PTPN14: variants seen among roughly 807,000 people sequenced by gnomAD.
The protein encoded by PTPN14 is tyrosine-protein phosphatase non-receptor type 14.
In PTPN14, 53 loss-of-function variants were observed where a neutral mutation model predicts 126.8. That is an observed-to-expected ratio of 0.42 (90% CI 0.34 to 0.53). PTPN14 has a LOEUF of 0.53. PTPN14 is among the 20% of genes least tolerant of loss of function. The pLI is 0.08. For synonymous variants in PTPN14, 630 were observed against 599.3 expected (o/e 1.05, Z -0.75); for missense variants, 1,257 against 1,552.9 (o/e 0.81, Z 3.20).
chr1:214,467,889 T>C (rs769539088), intron 1 of PTPN14, among the ~76,000 whole-genome samples: 6 of 152,166 alleles, frequency 3.9e-5, no homozygotes, highest in Non-Finnish European at 8.8e-5. Context: ...CAACAAAATG[T>C]AAGAAAATTG....
intron 1 of PTPN14, among the ~76,000 whole-genome samples, chr1:214,479,634 C>T (rs1317451589): frequency 2.0e-5 from 3 of 151,912 alleles, no homozygotes; most frequent in African/African-American, 4.8e-5. Flanking sequence ...CCACCGTACC[C>T]GACCCTGTCT....
rs76679969 is a variant in PTPN14 at position 214,484,362 on chromosome 1, T to G, written c.-154-19405A>C. Among the ~76,000 whole-genome samples the G allele has an allele frequency of 2.5e-3, 380 of 152,328 alleles. 3 individuals carry two copies. The highest frequency in any genetic ancestry group is 8.8e-3 in the African/African-American group (366 of 41,574). On this transcript the variant is annotated intron_variant, in intron 1 of 18. Coordinates refer to ENST00000366956, the MANE Select transcript of PTPN14 (RefSeq NM_005401.5). ...AAGGCTGCAATGAGCCATGATCCTA[T>G]GATTGCATTACTGCACTAAGCCTAG... is the stretch of plus-strand genomic sequence containing the variant.
chr1:214,400,049 G>GTTC (rs10636308), intron 7 of PTPN14, among the ~76,000 whole-genome samples: 124,625 of 151,828 alleles, frequency 0.82, 51,809 homozygotes, highest in African/African-American at 0.96. Flanking sequence ...GTCCACTGCT[G>GTTC]TTCTACTCTT....
In PTPN14 at chr1:214,508,095, ATGGCTGCTGATCAGCATGG is replaced by A. The variant is rs536181480; in HGVS notation, c.-155+43069_-155+43087del. 8.2e-3 allele frequency among the ~76,000 whole-genome samples: 1,247 copies of A among 152,256 alleles called. 14 individuals carry two copies. Among genetic ancestry groups the A allele is most frequent in the African/African-American group, 0.028 (1,179 of 41,550 alleles). ...GGTGGAGGGTCTTGCCTTGATGTTG[ATGGCTGCTGATCAGCATGG>A]TGGCTGCTGGAAGTTGGGTGGCTAT... On this transcript the variant is annotated intron_variant, in intron 1 of 18. Coordinates refer to ENST00000366956, the MANE Select transcript of PTPN14 (RefSeq NM_005401.5).
chr1:214,522,689 G>C (rs1333147950), intron 1 of PTPN14, among the ~76,000 whole-genome samples: 1 of 152,144 alleles, frequency 6.6e-6, no homozygotes, highest in African/African-American at 2.4e-5. Flanking sequence ...ACCAATTCAA[G>C]GCCGTTTTAA....
At chr1:214,381,563 G>C (rs995664698) in intron 13 of PTPN14, among the ~76,000 whole-genome samples, 3 of 152,234 alleles carry the variant, frequency 2.0e-5, no homozygotes, top group Non-Finnish European at 2.9e-5. Flanking sequence ...GGCCAGAACT[G>C]TGAGGTTGAG....
intron 1 of PTPN14, among the ~76,000 whole-genome samples, chr1:214,493,077 T>C (rs1279641097): frequency 6.6e-6 from 1 of 152,116 alleles, no homozygotes; most frequent in African/African-American, 2.4e-5. Context: ...CCAGTGTTTC[T>C]AATTCCTAAG....
At chr1:214,367,065 C>T (rs1463506352) in intron 17 of PTPN14, among the ~76,000 whole-genome samples, 3 of 151,922 alleles carry the variant, frequency 2.0e-5, no homozygotes, top group African/African-American at 4.8e-5. Context: ...AAAGACTATA[C>T]TTTAAAGTGC....
At chr1:214,403,071 T>C (rs1236676164) in intron 5 of PTPN14, 118 bp from the exon 6 acceptor site, 2 of 926,814 alleles carry the variant, frequency 2.2e-6, no homozygotes, top group East Asian at 2.5e-5. Context: ...CCTCAATATC[T>C]CCTTTACTGC....
chr1:214,377,487 C>T (rs1339939471), intron 14 of PTPN14, among the ~76,000 whole-genome samples: 1 of 151,818 alleles, frequency 6.6e-6, no homozygotes, highest in Admixed American at 6.6e-5. Flanking sequence ...ATGTGTTTAC[C>T]TATGTAATAA....
intron 16 of PTPN14, among the ~76,000 whole-genome samples, chr1:214,371,748 C>T (rs1658223140): frequency 6.6e-6 from 1 of 152,142 alleles, no homozygotes; most frequent in African/African-American, 2.4e-5. Flanking sequence ...GTGGGAAGGT[C>T]AAACAGGTCA....
intron 9 of PTPN14, 63 bp from the exon 10 acceptor site, chr1:214,393,840 A>G: frequency 7.5e-7 from 1 of 1,338,872 alleles, no homozygotes. Context: ...CATTTCATTA[A>G]GATTCTTCTG....
At chr1:214,446,389 T>C (rs1042369751) in intron 3 of PTPN14, among the ~76,000 whole-genome samples, 1 of 152,206 alleles carries the variant, frequency 6.6e-6, no homozygotes, top group Non-Finnish European at 1.5e-5. Context: ...ACAATCATAG[T>C]GTCTTGGCAG....
At chr1:214,391,704 T>A (rs199530470) in intron 10 of PTPN14, among the ~76,000 whole-genome samples, 154 of 139,204 alleles carry the variant, frequency 1.1e-3, no homozygotes, top group Middle Eastern at 3.8e-3. Context: ...AGTGTTACCA[T>A]AAAAAAAAAA....
rs146640564 is a variant in PTPN14, at chr1:214,350,533, CTTTTTTTTTTTTTT to C, written c.*7375_*7388del. The C allele has an allele frequency of 8.8e-5, 5 of 57,018 alleles. No individual in the cohort carries two copies. The highest frequency in any genetic ancestry group is 2.1e-4 in the African/African-American group (3 of 14,408). 3.5% of individuals were successfully genotyped at this position (57,018 alleles called of 1,614,324 possible). ...TTCTGGTTATTTTCATCCGCCAGATCTTTTTTTTTTTTTTTTTTTTTTTTTGAGACAAAGTCTCA... is the reference window on the plus strand; with the variant it reads ...TTCTGGTTATTTTCATCCGCCAGATCTTTTTTTTTTTGAGACAAAGTCTCA... On this transcript the variant is annotated 3_prime_UTR_variant, in exon 19 of 19. Coordinates refer to ENST00000366956, the MANE Select transcript of PTPN14 (RefSeq NM_005401.5).
chr1:214,537,352 T>C (rs1370160306), intron 1 of PTPN14, among the ~76,000 whole-genome samples: 1 of 152,234 alleles, frequency 6.6e-6, no homozygotes, highest in Non-Finnish European at 1.5e-5. Context: ...GAAGAGTGGA[T>C]ACAAGCACAA....
At chr1:214,389,728 T>C (rs1658706858) in intron 11 of PTPN14, among the ~76,000 whole-genome samples, 2 of 152,130 alleles carry the variant, frequency 1.3e-5, no homozygotes, top group Non-Finnish European at 2.9e-5. Context: ...TTGCCTCCCA[T>C]AGGGTTTCAA....
chr1:214,533,034 C>T (rs938108334), intron 1 of PTPN14: 26 of 749,670 alleles, frequency 3.5e-5, no homozygotes, highest in South Asian at 1.2e-4. Context: ...CCACCCAGTC[C>T]GCCCAGGTTG....
At chr1:214,367,058 G>C (rs1277169129) in intron 17 of PTPN14, among the ~76,000 whole-genome samples, 1 of 151,654 alleles carries the variant, frequency 6.6e-6, no homozygotes, top group Non-Finnish European at 1.5e-5. Flanking sequence ...TGATTTAAAA[G>C]ACTATACTTT....
Sources: gnomAD v4.1 joint callset for allele counts (sites outside exome capture counted in the v4.1 genomes callset) on GRCh38, gnomAD v4.1.1 for gene constraint, MANE v1.5 for transcripts, NCBI Gene and HGNC (gene_info 2026-07-23, HGNC 2026-07-21) for gene names.